The following HSF2 variants were observed in gnomAD, a reference collection of about 807,000 sequenced individuals.
HSF2 encodes the protein heat shock factor protein 2.
HSF2 carries 21 observed loss-of-function variants against 65.0 expected under a neutral mutation model. The ratio of observed to expected loss-of-function variants is 0.32; its 90% CI spans 0.23 to 0.47. The LOEUF is 0.47. Ranked by LOEUF, HSF2 falls within the 20% of genes least tolerant of loss-of-function variation. The probability of loss-of-function intolerance (pLI) is 1.00; values close to 1 mark genes in which losing one functional copy is unlikely to be tolerated. For synonymous variants in HSF2, 225 were observed against 219.1 expected, an observed-to-expected ratio of 1.03 and a Z score of -0.24; for missense variants, 499 against 628.1, an observed-to-expected ratio of 0.79 and a Z score of 2.20.
In HSF2 at chr6:122,409,657, A is replaced by G. The variant is rs146812444; in HGVS notation, c.94-2716A>G. ...GGAAAATCATTATTTGTTTTGCTCT[A>G]CATTCTTCATTTATGAGTCTGGGTC... On this transcript the variant is annotated intron_variant, in intron 1 of 12. Coordinates refer to ENST00000368455, the MANE Select transcript of HSF2 (RefSeq NM_004506.4). Among the ~76,000 whole-genome samples, 244 of 152,162 alleles carry G rather than the reference A, an allele frequency of 1.6e-3. 1 individual carries two copies. The highest frequency in any genetic ancestry group is 5.4e-3 in the African/African-American group (225 of 41,556).
At chr6:122,413,092 T>A (rs2114433479) in intron 3 of HSF2, among the ~76,000 whole-genome samples, 1 of 116,690 alleles carries the variant, frequency 8.6e-6, no homozygotes. Flanking sequence ...AGTAATATAT[T>A]TTTTAATGCA....
At chr6:122,418,032 T>G (rs2114441478) in intron 5 of HSF2, among the ~76,000 whole-genome samples, 1 of 152,328 alleles carries the variant, frequency 6.6e-6, no homozygotes, top group East Asian at 1.9e-4. Flanking sequence ...GTAGCCTTTT[T>G]TGTAAGGAAA....
intron 4 of HSF2, among the ~76,000 whole-genome samples, chr6:122,415,364 TC>T: frequency 6.6e-6 from 1 of 152,248 alleles, no homozygotes; most frequent in South Asian, 2.1e-4. Flanking sequence ...CTTGAGCAGT[TC>T]CCCTCAATTC....
At chr6:122,405,524 C>T (rs1042218569) in intron 1 of HSF2, among the ~76,000 whole-genome samples, 22 of 151,994 alleles carry the variant, frequency 1.4e-4, no homozygotes, top group African/African-American at 5.1e-4. Context: ...AAGTAAGAAC[C>T]TTTTTTGCCA....
intron 1 of HSF2, among the ~76,000 whole-genome samples, chr6:122,405,083 T>C (rs181585809): frequency 6.6e-6 from 1 of 152,180 alleles, no homozygotes; most frequent in Non-Finnish European, 1.5e-5. Context: ...CCAAAGTGCC[T>C]ACCTTTATGG....
chr6:122,416,159 C>T lies in HSF2; in HGVS notation c.456-62C>T, dbSNP rs534560243. On this transcript the variant is annotated intron_variant, in intron 4 of 12. Transcript: ENST00000368455. Reference sequence around the variant, plus strand: ...TGTCTGGTATTCTTAATTAAAGATACTATGGTCTGGTTTTTTGATTGATTT... The same window carrying T: ...TGTCTGGTATTCTTAATTAAAGATATTATGGTCTGGTTTTTTGATTGATTT... 29 of 983,254 alleles carry T rather than the reference C, an allele frequency of 2.9e-5. No individual in the cohort carries two copies. The African/African-American group carries it at 3.9e-4, about 13-fold the overall frequency. 60.9% of individuals were successfully genotyped at this position (983,254 alleles called of 1,614,324 possible).
At chr6:122,405,537 G>A (rs1773851615) in intron 1 of HSF2, among the ~76,000 whole-genome samples, 1 of 151,940 alleles carries the variant, frequency 6.6e-6, no homozygotes. Flanking sequence ...TTTTGCCAAG[G>A]CTAAGATTCT....
chr6:122,427,065 A>G (rs1276605600), intron 10 of HSF2, among the ~76,000 whole-genome samples: 5 of 151,776 alleles, frequency 3.3e-5, no homozygotes, highest in Non-Finnish European at 5.9e-5. Flanking sequence ...CTTTTATTTC[A>G]TTATGTATGT....
At chr6:122,418,358 G>T (rs941811456) in intron 5 of HSF2, among the ~76,000 whole-genome samples, 1 of 152,078 alleles carries the variant, frequency 6.6e-6, no homozygotes. Flanking sequence ...CCCATGATCC[G>T]AATTTCAGAT....
At chr6:122,414,974 T>C (rs1270622917) in intron 4 of HSF2, among the ~76,000 whole-genome samples, 1 of 152,166 alleles carries the variant, frequency 6.6e-6, no homozygotes, top group African/African-American at 2.4e-5. Context: ...ATCAGAAAAA[T>C]ACAGTAGTTA....
chr6:122,424,914 G>A (rs1774307352), intron 10 of HSF2, among the ~76,000 whole-genome samples: 1 of 151,918 alleles, frequency 6.6e-6, no homozygotes, highest in South Asian at 2.1e-4. Flanking sequence ...ACATTTATTT[G>A]CCCTAAAGAC....
intron 4 of HSF2, 147 bp from the exon 5 acceptor site, chr6:122,416,074 A>G: frequency 1.8e-6 from 1 of 564,644 alleles, no homozygotes; most frequent in Non-Finnish European, 3.1e-6. Flanking sequence ...TTCCTATGTA[A>G]TTGAACCAAA....
intron 5 of HSF2, among the ~76,000 whole-genome samples, chr6:122,416,792 A>G (rs1438953648): frequency 3.3e-5 from 5 of 152,248 alleles, no homozygotes; most frequent in African/African-American, 1.2e-4. Flanking sequence ...AGCAGTTAAC[A>G]TAGTGTTGTA....
At chr6:122,407,848 T>C (rs997137993) in intron 1 of HSF2, among the ~76,000 whole-genome samples, 76 of 152,146 alleles carry the variant, frequency 5.0e-4, no homozygotes, top group Non-Finnish European at 1.6e-4. Context: ...GTTTATTTTT[T>C]ACAGTTCTGG....
At chr6:122,405,441 T>C (rs579710) in intron 1 of HSF2, among the ~76,000 whole-genome samples, 40 of 151,960 alleles carry the variant, frequency 2.6e-4, no homozygotes, top group African/African-American at 9.2e-4. Flanking sequence ...TCAGGGAAAT[T>C]AAAGAAAATT....
intron 5 of HSF2, among the ~76,000 whole-genome samples, chr6:122,417,375 C>T (rs753092781): frequency 6.6e-6 from 1 of 152,026 alleles, no homozygotes; most frequent in East Asian, 1.9e-4. Context: ...TATTAGCTTA[C>T]AACACTCTAT....
intron 5 of HSF2, 84 bp from the exon 6 acceptor site, chr6:122,419,084 T>C: frequency 1.5e-6 from 1 of 674,218 alleles, no homozygotes; most frequent in South Asian, 1.8e-5. Context: ...CAAATTATTA[T>C]ATGAATTTGT....
intron 6 of HSF2, 39 bp downstream of exon 6, chr6:122,419,268 G>T: frequency 1.0e-6 from 1 of 994,640 alleles, no homozygotes; most frequent in East Asian, 2.6e-5. Context: ...CTGTATATAG[G>T]CAGTCACACT....
chr6:122,408,350 C>T (rs182770323), intron 1 of HSF2, among the ~76,000 whole-genome samples: 2 of 150,154 alleles, frequency 1.3e-5, no homozygotes, highest in Non-Finnish European at 3.0e-5. Context: ...AAAAAAAAAG[C>T]CTTTTGGATT....
Sources: gnomAD v4.1 joint callset for allele counts (sites outside exome capture counted in the v4.1 genomes callset) on GRCh38, gnomAD v4.1.1 for gene constraint, MANE v1.5 for transcripts, NCBI Gene and HGNC (gene_info 2026-07-23, HGNC 2026-07-21) for gene names.